The following SLC28A2 variants were observed in gnomAD, a reference collection of about 807,000 sequenced individuals.
The protein encoded by SLC28A2 is solute carrier family 28 member 2, also known as sodium/nucleoside cotransporter 2.
SLC28A2 carries 69 observed loss-of-function variants against 72.9 expected under a neutral mutation model. That is an observed-to-expected ratio of 0.95 (90% CI 0.78 to 1.16). The LOEUF (loss-of-function observed/expected upper bound fraction) is 1.16. SLC28A2 is among the 50% of genes most tolerant of loss of function. The probability of loss-of-function intolerance (pLI) is 0.00; values close to 1 mark genes in which losing one functional copy is unlikely to be tolerated. For missense variants in SLC28A2, 745 were observed against 791.1 expected, an observed-to-expected ratio of 0.94 and a Z score of 0.70; for synonymous variants, 296 against 294.1, an observed-to-expected ratio of 1.01 and a Z score of -0.07.
At chr15:45,271,419 T>C (rs1900560688) in intron 15 of SLC28A2, among the ~76,000 whole-genome samples, 1 of 152,064 alleles carries the variant, frequency 6.6e-6, no homozygotes. Flanking sequence ...GAAAGTTAGC[T>C]GGGCATATTT....
chr15:45,256,761 T>C (rs11854325), intron 3 of SLC28A2, among the ~76,000 whole-genome samples: 71,848 of 151,986 alleles, frequency 0.47, 20,694 homozygotes, highest in Non-Finnish European at 0.67. Context: ...TCATTTCCTT[T>C]CTCCTGACCA....
rs750139306 is a variant in SLC28A2, at chr15:45,253,397, T to C, written c.82-35T>C. 7 of 1,586,664 alleles carry C rather than the reference T, an allele frequency of 4.4e-6. No homozygotes were observed. The Admixed American group carries it at 1.2e-4, about 26-fold the overall frequency. On this transcript the variant is annotated intron_variant, in intron 2 of 17. Transcript: ENST00000347644. The stretch of plus-strand genomic sequence containing the variant: ...CAATCCCCATCATCCCTGGCAGGGC[T>C]CCATGACTGATCCCAATGCTCTCTG...
At chr15:45,267,433 A>C (rs1438616361) in intron 10 of SLC28A2, 22 bp from the exon 11 acceptor site, 2 of 1,613,736 alleles carry the variant, frequency 1.2e-6, no homozygotes, top group Non-Finnish European at 1.7e-6. Context: ...TTGGAATCTG[A>C]CTGTTTTCTC....
Position 45,274,241 on chromosome 15 carries a change from A to G in SLC28A2, c.1860-1155A>G, listed in dbSNP as rs544290749. On this transcript the variant is annotated intron_variant, in intron 17 of 17. Coordinates refer to ENST00000347644, the MANE Select transcript of SLC28A2 (RefSeq NM_004212.4). ...GGGCTAGACACAGTGGCTCACACCTATAATCCCAGCACTTTGGGAGGCCAA... is the reference window on the plus strand; with the variant it reads ...GGGCTAGACACAGTGGCTCACACCTGTAATCCCAGCACTTTGGGAGGCCAA... Among the ~76,000 whole-genome samples, 53 of 152,250 alleles carry G rather than the reference A, an allele frequency of 3.5e-4. No individual in the cohort carries two copies. In the South Asian group the frequency reaches 1.0e-2, roughly 29 times the overall value.
intron 8 of SLC28A2, 151 bp from the exon 9 acceptor site, chr15:45,265,432 C>A: frequency 1.5e-6 from 1 of 669,574 alleles, no homozygotes. Flanking sequence ...GGGTTTAATA[C>A]ATTTTAAATG....
At chr15:45,263,533 A>G (rs527638534) in intron 5 of SLC28A2, among the ~76,000 whole-genome samples, 13 of 152,318 alleles carry the variant, frequency 8.5e-5, no homozygotes, top group Admixed American at 4.6e-4. Context: ...ACTCCTCTTC[A>G]GTGAAGTAAT....
Position 45,270,189 on chromosome 15 carries a change from C to A in SLC28A2, c.1567-6C>A. The A allele has an allele frequency of 6.2e-7, 1 of 1,606,902 alleles. No individual in the cohort carries two copies. ...TTATTTGCTTATTTATTTTTGTTTT[C>A]CCTAGGTGAGAGCTGAAATCATTAC... On this transcript the variant is annotated splice_region_variant and splice_polypyrimidine_tract_variant and intron_variant, in intron 14 of 17. Coordinates refer to ENST00000347644, the MANE Select transcript of SLC28A2 (RefSeq NM_004212.4).
At position 45,277,619 on chromosome 15, in the gene SLC28A2, A is replaced by C. The variant is rs1480525437; in HGVS notation, c.*2106A>C. ...TGAAATATTCAGAATATATAAATCC[A>C]TAGAGACAGAAGGGAGATGGTGGTT... is the stretch of plus-strand genomic sequence containing the variant. On this transcript the variant is annotated 3_prime_UTR_variant, in exon 18 of 18. Transcript: ENST00000347644. 6.6e-6 allele frequency: 1 copy of C among 150,642 alleles called. No homozygotes were observed. Among genetic ancestry groups the C allele is most frequent in the Middle Eastern group, 3.2e-3 (1 of 316 alleles). The allele number at this position is 150,642 out of a possible 1,614,324, so 9.3% of individuals were successfully genotyped here.
chr15:45,269,621 T>C, intron 14 of SLC28A2, 86 bp downstream of exon 14: 6 of 1,193,990 alleles, frequency 5.0e-6, no homozygotes, highest in Non-Finnish European at 6.1e-6. Context: ...AACAGGTTTG[T>C]TGCAGACCTG....
intron 1 of SLC28A2, 101 bp downstream of exon 1, chr15:45,252,379 G>A (rs1899820279): frequency 1.8e-5 from 8 of 447,102 alleles, no homozygotes; most frequent in South Asian, 1.3e-4. Context: ...TAGTCAGGAA[G>A]GCCCTAATTT....
At chr15:45,265,497 T>C in intron 8 of SLC28A2, 86 bp from the exon 9 acceptor site, 1 of 930,986 alleles carries the variant, frequency 1.1e-6, no homozygotes, top group Non-Finnish European at 1.8e-6. Flanking sequence ...TGAGATACCC[T>C]TGGAATGCTA....
intron 17 of SLC28A2, among the ~76,000 whole-genome samples, chr15:45,275,071 G>T (rs1325159600): frequency 6.6e-6 from 1 of 152,112 alleles, no homozygotes; most frequent in Non-Finnish European, 1.5e-5. Context: ...GGTGGCCTTG[G>T]AATACCACCT....
rs1476170303 is a variant in SLC28A2, at chr15:45,272,742, G to T, written c.1817G>T (p.Arg606Ile). Reference protein sequence around the residue: ...VSFPNTSFTNRTYETYMCCRG... With the variant: ...VSFPNTSFTNITYETYMCCRG... The stretch of plus-strand genomic sequence containing the variant: ...TTCCCAAACACAAGTTTCACCAATA[G>T]AACCTATGAGACCTACATGTGCTGC... The change falls in exon 17 of 18, where the codon AGA becomes ATA. Residue 606 changes from arginine to isoleucine, a missense_variant. Physicochemically the swap from Arg to Ile is moderately conservative, Grantham distance 97 (BLOSUM62 -3). Coordinates refer to ENST00000347644, the MANE Select transcript of SLC28A2 (RefSeq NM_004212.4). The T allele has an allele frequency of 2.5e-6, 4 of 1,612,478 alleles. No homozygotes were observed. Among genetic ancestry groups the T allele is most frequent in the South Asian group, 1.1e-5 (1 of 91,042 alleles).
At position 45,264,042 on chromosome 15, in the gene SLC28A2, G is replaced by A. The variant is rs1311317682; in HGVS notation, c.588+20G>A. On this transcript the variant is annotated intron_variant, in intron 6 of 17. Coordinates refer to ENST00000347644, the MANE Select transcript of SLC28A2 (RefSeq NM_004212.4). ...AGCGCAGTGAGTTTTGGGTATTTGG[G>A]TTGGGTATAGCAACACATGGCCAAG... 1.9e-6 allele frequency: 3 copies of A among 1,601,286 alleles called. No homozygotes were observed. In the South Asian group the frequency reaches 3.4e-5, roughly 18 times the overall value.
intron 16 of SLC28A2, 66 bp downstream of exon 16, chr15:45,272,459 G>A (rs1309633610): frequency 5.4e-6 from 7 of 1,300,750 alleles, no homozygotes; most frequent in Middle Eastern, 1.9e-4. Context: ...ATAATATGAG[G>A]AAGGTAGAAT....
intron 15 of SLC28A2, among the ~76,000 whole-genome samples, chr15:45,271,577 A>AAAGGAAGGAAGGAAGGAAGGAAGG (rs145309707): frequency 0.014 from 1,792 of 130,306 alleles, 47 homozygotes; most frequent in African/African-American, 0.036. Context: ...AAAAAGAAGA[A>AAAGGAAGGAAGGAAGGAAGGAAGG]AAGGAAGGAA....
chr15:45,268,119 C>T, intron 12 of SLC28A2, 91 bp from the exon 13 acceptor site: 1 of 1,311,256 alleles, frequency 7.6e-7, no homozygotes, highest in Non-Finnish European at 1.1e-6. Flanking sequence ...GCACCCTCCT[C>T]CTGCACGATA....
rs1212807190 is a variant in SLC28A2, at chr15:45,265,585, C to G, written c.783C>G (p.Ala261=). The G allele has an allele frequency of 6.2e-7, 1 of 1,610,532 alleles. No homozygotes were observed. Among genetic ancestry groups the G allele is most frequent in the Non-Finnish European group, 8.5e-7 (1 of 1,176,740 alleles). ...ACCTGCTACCATTCTCATTACAGGCCTTACCAATCATCATTTTCTTTGGAT... is the reference window on the plus strand; with the variant it reads ...ACCTGCTACCATTCTCATTACAGGCGTTACCAATCATCATTTTCTTTGGAT... ...TLVKDVFAFQ[A]LPIIIFFGCV... is the part of the protein sequence containing the mutation. The change falls in exon 9 of 18, where the codon GCC becomes GCG. Residue 261 remains alanine, a splice_region_variant and synonymous_variant. Transcript: ENST00000347644.
intron 14 of SLC28A2, 54 bp downstream of exon 14, chr15:45,269,589 T>C (rs1439916770): frequency 1.5e-5 from 23 of 1,502,816 alleles, no homozygotes; most frequent in Non-Finnish European, 1.9e-5. Context: ...CATGGTTATC[T>C]GAGGGTAGAC....
Sources: gnomAD v4.1 joint callset for allele counts (sites outside exome capture counted in the v4.1 genomes callset) on GRCh38, gnomAD v4.1.1 for gene constraint, MANE v1.5 for transcripts, NCBI Gene and HGNC (gene_info 2026-07-23, HGNC 2026-07-21) for gene names.